Variants in ALG12 observed in about 807,000 individuals in gnomAD.
The protein encoded by ALG12 is dol-P-Man:Man(7)GlcNAc(2)-PP-Dol alpha-1,6-mannosyltransferase.
ALG12 carries 36 observed loss-of-function variants against 46.0 expected under a neutral mutation model. The observed-to-expected ratio is 0.78, with a 90% confidence interval of 0.60 to 1.03. The LOEUF (loss-of-function observed/expected upper bound fraction) is 1.03, where lower values mean the gene tolerates loss of function less well. ALG12 is among the 50% of genes least tolerant of loss of function. The probability of loss-of-function intolerance (pLI) is 0.00; values close to 1 mark genes in which losing one functional copy is unlikely to be tolerated. For synonymous variants in ALG12, 326 were observed against 291.6 expected (o/e 1.12, Z -1.20); for missense variants, 599 against 633.5 (o/e 0.95, Z 0.58).
At chr22:49,885,065 C>G in the ALG12 span, 1 of 1,611,478 alleles carries the variant, frequency 6.2e-7, no homozygotes. Context: ...TTCTCCCTGG[C>G]CCCCATGGAC....
In ALG12 at chr22:49,904,191, T is replaced by C. The variant is rs1244044061; in HGVS notation, c.1226A>G (p.Asn409Ser). The C allele has an allele frequency of 3.1e-6, 5 of 1,614,176 alleles. No individual in the cohort carries two copies. Among genetic ancestry groups the C allele is most frequent in the Non-Finnish European group, 3.4e-6 (4 of 1,180,014 alleles). ...GTGTGGATCCTACCTCCAGGCGCTG[T>C]TGACTTGGAGAAACCGAGACACACC... ...QTGVSRFLQVNSAWRYDKRED... is the reference protein window; with the variant it reads ...QTGVSRFLQVSSAWRYDKRED... The change falls in exon 9 of 10, where the codon AAC becomes AGC. Residue 409 changes from asparagine to serine, a missense_variant. Asn to Ser is a conservative substitution (Grantham distance 46). Coordinates refer to ENST00000330817, the MANE Select transcript of ALG12 (RefSeq NM_024105.4).
chr22:49,871,111 A>AT, the ALG12 span, among the ~76,000 whole-genome samples: 30 of 62,046 alleles, frequency 4.8e-4, no homozygotes, highest in East Asian at 4.4e-3. Context: ...TGGCTAATAT[A>AT]TTTTTTTTTA....
chr22:49,917,727 AGT>A (rs1353391701), intron 1 of ALG12, among the ~76,000 whole-genome samples: 1 of 102,942 alleles, frequency 9.7e-6, no homozygotes, highest in Non-Finnish European at 2.0e-5. Context: ...TTAAATGTGC[AGT>A]GTTATCTGCA....
the ALG12 span, among the ~76,000 whole-genome samples, chr22:49,891,256 G>A: frequency 6.6e-6 from 1 of 152,068 alleles, no homozygotes; most frequent in Non-Finnish European, 1.5e-5. Flanking sequence ...AATGCTTCAG[G>A]GTCTTGATGC....
chr22:49,903,529 G>T lies in ALG12; in HGVS notation c.*309C>A, dbSNP rs139930976. 65 of 563,874 alleles carry T rather than the reference G, an allele frequency of 1.2e-4. No individual in the cohort carries two copies. Among genetic ancestry groups the T allele is most frequent in the Non-Finnish European group, 1.9e-4 (56 of 296,586 alleles). The allele number at this position is 563,874 out of a possible 1,614,324, so 34.9% of individuals were successfully genotyped here. On this transcript the variant is annotated 3_prime_UTR_variant, in exon 10 of 10. Transcript: ENST00000330817. Reference sequence around the variant, plus strand: ...GTGCCTGGGTGAGCCCGCTGCTCCTGATTAGTCATGAATGGCACCTGGTCT... The same window carrying T: ...GTGCCTGGGTGAGCCCGCTGCTCCTTATTAGTCATGAATGGCACCTGGTCT...
At chr22:49,910,124 CAG>C (rs2060567591) in intron 4 of ALG12, 36 bp from the exon 5 acceptor site, 1 of 1,565,984 alleles carries the variant, frequency 6.4e-7, no homozygotes, top group Non-Finnish European at 8.7e-7. Context: ...CGTCAAGACA[CAG>C]GGCCCACCCG....
downstream of ALG12, among the ~76,000 whole-genome samples, chr22:49,896,813 T>TC (rs535387046): frequency 8.7e-6 from 1 of 114,936 alleles, no homozygotes. Flanking sequence ...TTTTTGTATA[T>TC]TTTTTTTTAG....
chr22:49,885,325 G>A, the ALG12 span: 2 of 1,591,522 alleles, frequency 1.3e-6, no homozygotes, highest in Non-Finnish European at 1.7e-6. Flanking sequence ...TATGTTTCCT[G>A]TTAATAGCAA....
chr22:49,880,483 C>T, the ALG12 span, among the ~76,000 whole-genome samples: 5 of 152,248 alleles, frequency 3.3e-5, no homozygotes, highest in African/African-American at 7.2e-5. Context: ...GAAGCCCCGC[C>T]GTGAGCGAGG....
the ALG12 span, among the ~76,000 whole-genome samples, chr22:49,875,044 T>C: frequency 6.6e-6 from 1 of 152,218 alleles, no homozygotes; most frequent in Non-Finnish European, 1.5e-5. Context: ...TGACGTATTA[T>C]CTTTGATACA....
rs1443449365 is a variant in ALG12, at chr22:49,901,082, C to T, written c.*2756G>A. 1 of 152,274 alleles carries T rather than the reference C, an allele frequency of 6.6e-6. No homozygotes were observed. The highest frequency in any genetic ancestry group is 1.5e-5 in the Non-Finnish European group (1 of 68,054). The allele number at this position is 152,274 out of a possible 1,614,324, so 9.4% of individuals were successfully genotyped here. On this transcript the variant is annotated 3_prime_UTR_variant, in exon 10 of 10. Transcript: ENST00000330817. The stretch of plus-strand genomic sequence containing the variant: ...TGGCAGGGTTCCCGCCAGCAAATCT[C>T]GTACACTTTGAACACCAGGATAATT...
rs200637252 is a variant in ALG12, at chr22:49,913,548, G to C, written c.163-31C>G. On this transcript the variant is annotated intron_variant, in intron 2 of 9. Coordinates refer to ENST00000330817, the MANE Select transcript of ALG12 (RefSeq NM_024105.4). ...AGGAGAAGGGCAGGTCAGTGCACCG[G>C]GGCCCTGCCAGCTGGTAACATGAGG... The C allele has an allele frequency of 2.3e-3, 3,721 of 1,613,952 alleles. 52 individuals are homozygous for C. The South Asian group carries it at 0.024, about 11-fold the overall frequency.
chr22:49,899,888 G>A (rs570327777), downstream of ALG12, among the ~76,000 whole-genome samples: 1 of 152,246 alleles, frequency 6.6e-6, no homozygotes, highest in East Asian at 1.9e-4. Flanking sequence ...ACGGTGGCTG[G>A]AAGCTCACAC....
chr22:49,912,873 G>C (rs1262685313), intron 3 of ALG12, among the ~76,000 whole-genome samples: 1 of 148,868 alleles, frequency 6.7e-6, no homozygotes, highest in Non-Finnish European at 1.5e-5. Flanking sequence ...TCTCAAAAAA[G>C]AAAAAAAAAT....
Position 49,908,066 on chromosome 22 carries a change from G to A in ALG12, c.769-122C>T, listed in dbSNP as rs560083825. ...TGCTGAGAGATGCAGCCTGGACCAC[G>A]GCTCGTGTGCACAGACACCACTCAG... On this transcript the variant is annotated intron_variant, in intron 6 of 9. Coordinates refer to ENST00000330817, the MANE Select transcript of ALG12 (RefSeq NM_024105.4). 1.1e-3 allele frequency: 1,119 copies of A among 988,082 alleles called. 4 individuals carry two copies. The highest frequency in any genetic ancestry group is 1.3e-3 in the Non-Finnish European group (869 of 666,168). The allele number at this position is 988,082 out of a possible 1,614,324, so 61.2% of individuals were successfully genotyped here.
chr22:49,901,313 G>T lies in ALG12; in HGVS notation c.*2525C>A, dbSNP rs1295022385. The T allele has an allele frequency of 6.6e-6, 1 of 152,284 alleles. No individual in the cohort carries two copies. The highest frequency in any genetic ancestry group is 1.5e-5 in the Non-Finnish European group (1 of 68,062). The allele number at this position is 152,284 out of a possible 1,614,324, so 9.4% of individuals were successfully genotyped here. A position where few individuals can be genotyped will look rare whatever the true frequency, so the allele number is the denominator to read the frequency against. ...ACCATCTGGCCTCTGTGGGAGTCAGGAAGTGTCTGCACAGATGTTCGCCAG... is the reference window on the plus strand; with the variant it reads ...ACCATCTGGCCTCTGTGGGAGTCAGTAAGTGTCTGCACAGATGTTCGCCAG... On this transcript the variant is annotated 3_prime_UTR_variant, in exon 10 of 10. Coordinates refer to ENST00000330817, the MANE Select transcript of ALG12 (RefSeq NM_024105.4).
the ALG12 span, chr22:49,883,865 G>C: frequency 6.2e-7 from 1 of 1,607,244 alleles, no homozygotes; most frequent in Non-Finnish European, 8.5e-7. Flanking sequence ...GGTTGCAGCT[G>C]CAAGCCCCCG....
rs966079211 is a variant in ALG12, at chr22:49,904,741, A to AAT, written c.993-237_993-236dup. On this transcript the variant is annotated intron_variant, in intron 7 of 9. Transcript: ENST00000330817. Reference sequence around the variant, plus strand: ...ATTTAAAATTTAGATGAGATTTTAAAATATATATATATTTTTGAGACAGAG... The same window carrying AAT: ...ATTTAAAATTTAGATGAGATTTTAAAATATATATATATATTTTTGAGACAGAG... 7.9e-5 allele frequency among the ~76,000 whole-genome samples: 12 copies of AAT among 152,124 alleles called. No individual in the cohort carries two copies. The East Asian group carries it at 1.9e-3, about 24-fold the overall frequency.
rs2060606145 is a variant in ALG12 at position 49,915,807 on chromosome 22, TC to T, written c.-78-1965del. 2.0e-5 allele frequency among the ~76,000 whole-genome samples: 3 copies of T among 152,216 alleles called. No homozygotes were observed. In the South Asian group the frequency reaches 6.2e-4, roughly 32 times the overall value. ...GCCTGAAGGCTGCCTCGCTGCCACC[TC>T]CCCTGCTGGACTCATCCTGCGGGCA... is the stretch of plus-strand genomic sequence containing the variant. On this transcript the variant is annotated intron_variant, in intron 1 of 9. Transcript: ENST00000330817.
Sources: allele counts gnomAD v4.1 joint callset (sites outside exome capture counted in the v4.1 genomes callset), GRCh38; gene constraint gnomAD v4.1.1; transcripts MANE v1.5; gene names NCBI Gene and HGNC (gene_info 2026-07-23, HGNC 2026-07-21).